GTPBP6: variants seen among roughly 807,000 people sequenced by gnomAD.
The protein encoded by GTPBP6 is putative GTP-binding protein 6.
A neutral mutation model predicts 28.9 loss-of-function variants in GTPBP6; 33 were observed. That is an observed-to-expected ratio of 1.14 (90% CI 0.87 to 1.53). The LOEUF (loss-of-function observed/expected upper bound fraction) is 1.53. Ranked by LOEUF, GTPBP6 falls within the 40% of genes most tolerant of loss-of-function variation. The pLI, the probability that GTPBP6 is intolerant of heterozygous loss-of-function variation, is 0.00. For synonymous variants in GTPBP6, 231 were observed against 192.7 expected, an observed-to-expected ratio of 1.20 and a Z score of -1.65; for missense variants, 507 against 408.3, an observed-to-expected ratio of 1.24 and a Z score of -2.08.
In GTPBP6 at chrX:312,131, G is replaced by C. The variant is rs1210133528; in HGVS notation, c.917-504C>G. 2.9e-3 allele frequency: 1,366 copies of C among 466,996 alleles called. 44 individuals are homozygous for C. Among genetic ancestry groups the C allele is most frequent in the African/African-American group, 0.026 (1,266 of 49,184 alleles). The allele number at this position is 466,996 out of a possible 1,614,324, so 28.9% of individuals were successfully genotyped here. Reference sequence around the variant, plus strand: ...GTATAGACGGGTGGTGGTATAGATGGGGCAGTGGTGCCAGTGTAGACAGGA... The same window carrying C: ...GTATAGACGGGTGGTGGTATAGATGCGGCAGTGGTGCCAGTGTAGACAGGA... On this transcript the variant is annotated intron_variant, in intron 6 of 9. Transcript: ENST00000326153.
intron 7 of GTPBP6, among the ~76,000 whole-genome samples, 159 bp from the exon 8 acceptor site, chrX:308,039 G>T (rs2070210003): frequency 6.6e-6 from 1 of 152,070 alleles, no homozygotes; most frequent in South Asian, 2.1e-4. Context: ...CAGGACGGGG[G>T]CTCCTAGACC....
chrX:313,689 AGAG>A (rs1328202816), intron 5 of GTPBP6, among the ~76,000 whole-genome samples: 12 of 152,046 alleles, frequency 7.9e-5, no homozygotes, highest in African/African-American at 2.9e-4. Flanking sequence ...ACACAGACAC[AGAG>A]GAGGAGGCCA....
chrX:307,242 A>T, intron 9 of GTPBP6, 118 bp downstream of exon 9: 1 of 881,760 alleles, frequency 1.1e-6, no homozygotes, highest in Non-Finnish European at 1.7e-6. Context: ...TCTCGTCTGT[A>T]CATCCTAAAG....
intron 7 of GTPBP6, among the ~76,000 whole-genome samples, chrX:308,860 T>G (rs954571932): frequency 1.3e-5 from 2 of 148,968 alleles, no homozygotes; most frequent in African/African-American, 2.5e-5. Flanking sequence ...CAGCCTCTCT[T>G]GAGTAGCTGG....
exon 9 of GTPBP6, chrX:307,389 G>A: frequency 6.2e-7 from 1 of 1,612,524 alleles, no homozygotes; most frequent in East Asian, 2.2e-5. Context: ...GCCTCACACG[G>A]AGAGTGAGGA....
chrX:318,395 G>T (rs1441829966), intron 1 of GTPBP6, 44 bp downstream of exon 1: 134 of 397,422 alleles, frequency 3.4e-4, no homozygotes, highest in Admixed American at 6.2e-4. Context: ...CCGCCCCCAG[G>T]TCTCCAGCTC....
chrX:313,076 T>A (rs1223349926), intron 5 of GTPBP6, among the ~76,000 whole-genome samples, 152 bp from the exon 6 acceptor site: 1 of 152,210 alleles, frequency 6.6e-6, no homozygotes, highest in African/African-American at 2.4e-5. Flanking sequence ...CCCCGACACG[T>A]CCTGTTCCAT....
intron 1 of GTPBP6, among the ~76,000 whole-genome samples, chrX:317,556 G>GGGGGGT (rs1199010871): frequency 4.7e-5 from 4 of 85,114 alleles, no homozygotes; most frequent in Non-Finnish European, 6.2e-5. Flanking sequence ...ATTTCCTCCT[G>GGGGGGT]GGGGGTGGGG....
chrX:318,083 G>A (rs1414066754), intron 1 of GTPBP6, among the ~76,000 whole-genome samples: 1 of 142,564 alleles, frequency 7.0e-6, no homozygotes, highest in African/African-American at 2.7e-5. Context: ...CGCCACCTGA[G>A]CTCTTCCCCT....
In GTPBP6 at chrX:311,405, C is replaced by T. The variant is rs186063188; in HGVS notation, c.1125+14G>A. The stretch of plus-strand genomic sequence containing the variant: ...GGTGTCCGAGCACCCGATCCCCGGC[C>T]GTCCCACGCTCACCGAGTGGGCCAC... On this transcript the variant is annotated intron_variant, in intron 7 of 9. Transcript: ENST00000326153. 1,744 of 1,590,460 alleles carry T rather than the reference C, an allele frequency of 1.1e-3. 12 individuals carry two copies. The highest frequency in any genetic ancestry group is 8.0e-3 in the African/African-American group (589 of 73,730).
chrX:305,367 G>T (rs1473198258), intron 9 of GTPBP6, among the ~76,000 whole-genome samples, 170 bp from the exon 10 acceptor site: 1 of 149,046 alleles, frequency 6.7e-6, no homozygotes, highest in East Asian at 2.0e-4. Context: ...TGTCGCGTAG[G>T]CTGGAGTGCA....
In GTPBP6 at chrX:307,482, G is replaced by A. The variant is rs753934384; in HGVS notation, c.1305C>T (p.Pro435=). 8.7e-6 allele frequency: 14 copies of A among 1,611,260 alleles called. No homozygotes were observed. The East Asian group carries it at 1.3e-4, about 15-fold the overall frequency. Residue 435 remains proline, a synonymous_variant, in exon 9 of 10, where the codon CCC becomes CCT. Transcript: ENST00000326153. ...GCCCGTGGCCCCGCAGGGCAGACAC[G>A]GGCACGACGTTCGGTTCCGTGGGGC...
rs151240624 is a variant in GTPBP6 at position 314,105 on chromosome X, C to T, written c.757+45G>A. 529 of 1,451,694 alleles carry T rather than the reference C, an allele frequency of 3.6e-4. 6 individuals are homozygous for T. The African/African-American group carries it at 7.6e-3, about 21-fold the overall frequency. 89.9% of individuals were successfully genotyped at this position (1,451,694 alleles called of 1,614,324 possible). Reference sequence around the variant, plus strand: ...GAGAAGGGTGGCTGCCGCTGACAACCGCATTCCGAGGACCCTCTGGGACGC... The same window carrying T: ...GAGAAGGGTGGCTGCCGCTGACAACTGCATTCCGAGGACCCTCTGGGACGC... On this transcript the variant is annotated intron_variant, in intron 5 of 9. Transcript: ENST00000326153.
At position 310,994 on chromosome X, in the gene GTPBP6, T is replaced by G. The variant is rs1602960803; in HGVS notation, c.1125+425A>C. ...AGGTGCACCCGGGAACACGCTTATG[T>G]GTTCAGGCACATAAGCCGGGAGAGG... On this transcript the variant is annotated intron_variant, in intron 7 of 9. Coordinates refer to ENST00000326153, the Ensembl canonical transcript of GTPBP6. Among the ~76,000 whole-genome samples, 4 of 152,142 alleles carry G rather than the reference T, an allele frequency of 2.6e-5. No individual in the cohort carries two copies. In the South Asian group the frequency reaches 8.3e-4, roughly 32 times the overall value.
At chrX:305,034 C>T in exon 10 of GTPBP6, 1 of 1,606,068 alleles carries the variant, frequency 6.2e-7, no homozygotes, top group Non-Finnish European at 8.5e-7. Context: ...GCTCCCCAGG[C>T]AGCGATGCCC....
At chrX:311,707 G>C in intron 6 of GTPBP6, 80 bp from the exon 7 acceptor site, 2 of 1,175,918 alleles carry the variant, frequency 1.7e-6, no homozygotes, top group Non-Finnish European at 2.5e-6. Context: ...CCTCCAAATG[G>C]AGACCACGGC....
At position 307,719 on chromosome X, in the gene GTPBP6, G is replaced by C. The variant is rs190398676; in HGVS notation, c.1274+13C>G. The C allele has an allele frequency of 3.7e-3, 5,390 of 1,469,638 alleles. 19 individuals carry two copies. The highest frequency in any genetic ancestry group is 4.2e-3 in the Admixed American group (159 of 37,950). 91.0% of individuals were successfully genotyped at this position (1,469,638 alleles called of 1,614,324 possible). On this transcript the variant is annotated intron_variant, in intron 8 of 9. Transcript: ENST00000326153. Reference sequence around the variant, plus strand: ...GGGAAGGAGACGCTTGCGGACCCCAGGGCCGGACTCACCCGGGCACGAGGT... The same window carrying C: ...GGGAAGGAGACGCTTGCGGACCCCACGGCCGGACTCACCCGGGCACGAGGT...
intron 9 of GTPBP6, among the ~76,000 whole-genome samples, 197 bp downstream of exon 9, chrX:307,163 C>G (rs1422698346): frequency 8.0e-6 from 1 of 124,696 alleles, no homozygotes; most frequent in Non-Finnish European, 1.5e-5. Flanking sequence ...TAGATTTTGA[C>G]TCTCAAGCGC....
intron 5 of GTPBP6, among the ~76,000 whole-genome samples, chrX:313,126 G>A (rs1447797473): frequency 9.2e-5 from 14 of 152,334 alleles, no homozygotes; most frequent in Non-Finnish European, 1.3e-4. Context: ...TCTCGCCTCC[G>A]GGTGTCCACC....
Sources: allele counts gnomAD v4.1 joint callset (sites outside exome capture counted in the v4.1 genomes callset), GRCh38; gene constraint gnomAD v4.1.1; transcripts MANE v1.5; gene names NCBI Gene and HGNC (gene_info 2026-07-23, HGNC 2026-07-21).